The following CDH10 variants were observed in gnomAD, a reference collection of about 807,000 sequenced individuals.
The protein encoded by CDH10 is cadherin 10.
CDH10 carries 30 observed loss-of-function variants against 73.1 expected under a neutral mutation model. The ratio of observed to expected loss-of-function variants is 0.41; its 90% CI spans 0.31 to 0.56. CDH10 has a LOEUF of 0.56. Ranked by LOEUF, CDH10 falls within the 20% of genes least tolerant of loss-of-function variation. The pLI is 0.27. For synonymous variants in CDH10, 345 were observed against 348.2 expected, an observed-to-expected ratio of 0.99 and a Z score of 0.10; for missense variants, 815 against 973.7, an observed-to-expected ratio of 0.84 and a Z score of 2.17.
At chr5:24,529,737 G>T (rs1743661234) in intron 5 of CDH10, among the ~76,000 whole-genome samples, 1 of 151,856 alleles carries the variant, frequency 6.6e-6, no homozygotes, top group Non-Finnish European at 1.5e-5. Context: ...CTTGGAGTTT[G>T]TAAGGATTTT....
At chr5:24,644,362 T>C (rs1443354640) in intron 1 of CDH10, among the ~76,000 whole-genome samples, 3 of 152,230 alleles carry the variant, frequency 2.0e-5, no homozygotes, top group Non-Finnish European at 4.4e-5. Flanking sequence ...GAGCATAATA[T>C]ATAATTTATC....
At chr5:24,613,522 G>GAAAA (rs34515702) in intron 1 of CDH10, among the ~76,000 whole-genome samples, 4 of 122,846 alleles carry the variant, frequency 3.3e-5, no homozygotes, top group African/African-American at 1.2e-4. Context: ...TCTTTGCTGG[G>GAAAA]AAAAAAAAAA....
chr5:24,535,105 T>C lies in CDH10; in HGVS notation c.814+7A>G, dbSNP rs1215857178. The stretch of plus-strand genomic sequence containing the variant: ...GCCCGGCAGAATGACCATTAAAGGG[T>C]GCTTACTCTGGGGGAAACGTGGTGG... On this transcript the variant is annotated splice_region_variant and intron_variant, in intron 5 of 11. Coordinates refer to ENST00000264463, the MANE Select transcript of CDH10 (RefSeq NM_006727.5). 1 of 1,598,596 alleles carries C rather than the reference T, an allele frequency of 6.3e-7. No individual in the cohort carries two copies. Among genetic ancestry groups the C allele is most frequent in the South Asian group, 1.1e-5 (1 of 87,884 alleles).
At chr5:24,529,957 G>A (rs1743671126) in intron 5 of CDH10, among the ~76,000 whole-genome samples, 1 of 150,016 alleles carries the variant, frequency 6.7e-6, no homozygotes, top group African/African-American at 2.5e-5. Context: ...CTTGACTTTT[G>A]TCCCTGTGAT....
intron 2 of CDH10, among the ~76,000 whole-genome samples, chr5:24,576,329 A>T (rs1745597650): frequency 6.6e-6 from 1 of 152,064 alleles, no homozygotes; most frequent in Non-Finnish European, 1.5e-5. Context: ...CATTTATTTT[A>T]TTATTTTAGA....
chr5:24,642,160 T>C (rs1232190322), intron 1 of CDH10, among the ~76,000 whole-genome samples: 14 of 152,122 alleles, frequency 9.2e-5, no homozygotes, highest in Non-Finnish European at 2.1e-4. Context: ...AACAAGAATA[T>C]GGTTCACTTT....
intron 1 of CDH10, among the ~76,000 whole-genome samples, chr5:24,629,607 G>A (rs1387732876): frequency 6.6e-6 from 1 of 151,828 alleles, no homozygotes; most frequent in African/African-American, 2.4e-5. Context: ...GGGCCTGGTG[G>A]GAGGTGACTG....
intron 2 of CDH10, among the ~76,000 whole-genome samples, chr5:24,573,954 C>T (rs761658779): frequency 1.6e-4 from 24 of 150,848 alleles, no homozygotes; most frequent in Non-Finnish European, 2.2e-4. Flanking sequence ...GCGCGATCTC[C>T]GCTCACTGCA....
intron 2 of CDH10, among the ~76,000 whole-genome samples, chr5:24,547,406 T>G (rs1319579568): frequency 6.6e-6 from 1 of 152,152 alleles, no homozygotes; most frequent in East Asian, 1.9e-4. Flanking sequence ...TGGCAGCTGC[T>G]TTTTCCCGAG....
rs149466344 is a variant in CDH10 at position 24,521,400 on chromosome 5, C to A, written c.815-9886G>T. Among the ~76,000 whole-genome samples the A allele has an allele frequency of 1.5e-3, 229 of 152,152 alleles. 1 individual carries two copies. The highest frequency in any genetic ancestry group is 5.1e-3 in the African/African-American group (213 of 41,512). On this transcript the variant is annotated intron_variant, in intron 5 of 11. Transcript: ENST00000264463. ...TCTTTACTAAAAATGCAAAATTAGC[C>A]GGGCATGGTGGTGCATGCTTGCATG...
In CDH10 at chr5:24,535,713, C is replaced by T; in HGVS notation, c.636G>A (p.Glu212=). 1 of 1,610,284 alleles carries T rather than the reference C, an allele frequency of 6.2e-7. No individual in the cohort carries two copies. The highest frequency in any genetic ancestry group is 8.5e-7 in the Non-Finnish European group (1 of 1,177,946). ...ILQGQPYFSV[E]PETGIIRTAL... is the part of the protein sequence containing the mutation. ...TTCATGATTCCTGACCTGTTTCAGG[C>T]TCCACAGAGAAATAGGGCTGCCCTT... The change falls in exon 4 of 12, where the codon GAG becomes GAA. Residue 212 remains glutamate, a synonymous_variant. Coordinates refer to ENST00000264463, the MANE Select transcript of CDH10 (RefSeq NM_006727.5).
chr5:24,541,449 T>C (rs996869898), intron 2 of CDH10, among the ~76,000 whole-genome samples: 3 of 152,060 alleles, frequency 2.0e-5, no homozygotes, highest in African/African-American at 7.2e-5. Context: ...TGCAGCTTTC[T>C]CATGATTCTT....
At chr5:24,540,591 T>A (rs1310143308) in intron 2 of CDH10, among the ~76,000 whole-genome samples, 1 of 151,878 alleles carries the variant, frequency 6.6e-6, no homozygotes, top group Non-Finnish European at 1.5e-5. Flanking sequence ...GTTTTGAGAA[T>A]CAGAAAATGA....
intron 2 of CDH10, among the ~76,000 whole-genome samples, chr5:24,545,322 AGTT>A (rs1211053579): frequency 6.6e-6 from 1 of 152,232 alleles, no homozygotes; most frequent in Non-Finnish European, 1.5e-5. Context: ...GTGTCTAGGA[AGTT>A]GTTAAGTAAA....
chr5:24,588,751 T>C (rs902286764), intron 2 of CDH10, among the ~76,000 whole-genome samples: 9 of 152,192 alleles, frequency 5.9e-5, no homozygotes, highest in Non-Finnish European at 1.3e-4. Context: ...TGGATCAGTT[T>C]CTACAGTTTC....
intron 1 of CDH10, among the ~76,000 whole-genome samples, chr5:24,595,795 G>T (rs1366795691): frequency 1.3e-5 from 2 of 151,776 alleles, no homozygotes; most frequent in African/African-American, 4.8e-5. Flanking sequence ...TGATGCATTG[G>T]TGATCATTTT....
intron 5 of CDH10, among the ~76,000 whole-genome samples, chr5:24,527,766 T>C (rs1458724182): frequency 1.3e-5 from 2 of 151,676 alleles, no homozygotes; most frequent in African/African-American, 4.8e-5. Flanking sequence ...CACTATGGAG[T>C]GCATGACTGT....
At chr5:24,531,236 G>A (rs996384702) in intron 5 of CDH10, among the ~76,000 whole-genome samples, 1 of 151,916 alleles carries the variant, frequency 6.6e-6, no homozygotes, top group Non-Finnish European at 1.5e-5. Flanking sequence ...TGCTTACATT[G>A]GAATTGTCTC....
chr5:24,508,003 T>G (rs1196089490), intron 7 of CDH10, among the ~76,000 whole-genome samples: 1 of 152,214 alleles, frequency 6.6e-6, no homozygotes, highest in African/African-American at 2.4e-5. Context: ...TATAGAATTT[T>G]TAACTGGTTG....
Sources: allele counts gnomAD v4.1 joint callset (sites outside exome capture counted in the v4.1 genomes callset), GRCh38; gene constraint gnomAD v4.1.1; transcripts MANE v1.5; gene names NCBI Gene and HGNC (gene_info 2026-07-23, HGNC 2026-07-21).